TNFRSF11B: variants seen among roughly 807,000 people sequenced by gnomAD.
TNFRSF11B encodes tumor necrosis factor receptor superfamily member 11B.
Under a neutral mutation model 43.4 loss-of-function variants are expected in TNFRSF11B, and 16 were observed. The ratio of observed to expected loss-of-function variants is 0.37; its 90% CI spans 0.25 to 0.56. The LOEUF (loss-of-function observed/expected upper bound fraction) is 0.56, where lower values mean the gene tolerates loss of function less well. TNFRSF11B is among the 20% of genes least tolerant of loss of function. The probability of loss-of-function intolerance (pLI) is 0.80; values close to 1 mark genes in which losing one functional copy is unlikely to be tolerated. For missense variants in TNFRSF11B, 444 were observed against 490.1 expected, an observed-to-expected ratio of 0.91 and a Z score of 0.89; for synonymous variants, 185 against 181.8, an observed-to-expected ratio of 1.02 and a Z score of -0.14.
At chr8:118,937,489 C>T (rs1812420663) in intron 1 of TNFRSF11B, among the ~76,000 whole-genome samples, 1 of 152,198 alleles carries the variant, frequency 6.6e-6, no homozygotes. Flanking sequence ...ATGTTTGATC[C>T]TACCAGTGGA....
At chr8:118,951,568 T>C (rs912257217) in intron 1 of TNFRSF11B, among the ~76,000 whole-genome samples, 4 of 152,168 alleles carry the variant, frequency 2.6e-5, no homozygotes, top group African/African-American at 9.7e-5. Flanking sequence ...GTCTCTCTCT[T>C]GCTGTCTTCC....
chr8:118,947,230 C>G (rs1253557678), intron 1 of TNFRSF11B, among the ~76,000 whole-genome samples: 1 of 30,138 alleles, frequency 3.3e-5, no homozygotes, highest in Non-Finnish European at 5.6e-5. Context: ...AAGCTAAATT[C>G]TGTTGGAACA....
At chr8:118,940,109 T>G (rs1812463749) in intron 1 of TNFRSF11B, among the ~76,000 whole-genome samples, 1 of 152,078 alleles carries the variant, frequency 6.6e-6, no homozygotes, top group African/African-American at 2.4e-5. Flanking sequence ...ATGTTCTCAC[T>G]CATAGGTGGG....
At chr8:118,951,721 G>A (rs1167153294) in intron 1 of TNFRSF11B, 71 bp downstream of exon 1, 3 of 1,442,210 alleles carry the variant, frequency 2.1e-6, no homozygotes, top group Non-Finnish European at 9.5e-7. Flanking sequence ...CGGTCCGCTG[G>A]GAGGTTGGGA....
chr8:118,939,692 T>C (rs144789178), intron 1 of TNFRSF11B, among the ~76,000 whole-genome samples: 4 of 152,340 alleles, frequency 2.6e-5, no homozygotes, highest in African/African-American at 9.6e-5. Context: ...CTGCCTTCTA[T>C]ATGAGACTCA....
intron 2 of TNFRSF11B, among the ~76,000 whole-genome samples, chr8:118,931,803 T>A (rs1036143766): frequency 1.3e-5 from 2 of 152,224 alleles, no homozygotes; most frequent in African/African-American, 4.8e-5. Context: ...TTAGACTTTG[T>A]ATATCACAAG....
intron 4 of TNFRSF11B, among the ~76,000 whole-genome samples, chr8:118,925,631 T>C (rs1812236582): frequency 6.6e-6 from 1 of 152,226 alleles, no homozygotes; most frequent in South Asian, 2.1e-4. Context: ...TGAAGTTTTT[T>C]AGGGTAGTGC....
Position 118,928,902 on chromosome 8 carries a change from T to C in TNFRSF11B, c.428A>G (p.Lys143Arg). The C allele has an allele frequency of 6.2e-7, 1 of 1,614,190 alleles. No individual in the cohort carries two copies. Among genetic ancestry groups the C allele is most frequent in the South Asian group, 1.1e-5 (1 of 91,082 alleles). Residue 143 changes from lysine (K) to arginine (R), a missense_variant, in exon 3 of 5, where the codon AAA (lysine) becomes AGA (arginine). Physicochemically the swap from Lys to Arg is conservative, Grantham distance 26. Coordinates refer to ENST00000297350, the MANE Select transcript of TNFRSF11B (RefSeq NM_002546.4). ...TGAGAAGAACCCATCTGGACATCTT[T>C]TGCAAACTGTATTTCGCTCTGGGGT... ...AGTPERNTVC[K>R]RCPDGFFSNE...
At chr8:118,938,111 A>C (rs945804642) in intron 1 of TNFRSF11B, among the ~76,000 whole-genome samples, 4 of 152,124 alleles carry the variant, frequency 2.6e-5, no homozygotes, top group African/African-American at 7.2e-5. Flanking sequence ...AGAAGAAAAA[A>C]AGGAGTATTT....
At chr8:118,937,306 C>G (rs544527260) in intron 1 of TNFRSF11B, among the ~76,000 whole-genome samples, 3 of 152,282 alleles carry the variant, frequency 2.0e-5, no homozygotes, top group South Asian at 2.1e-4. Flanking sequence ...AAGTCTTGCT[C>G]TAATCCCCTT....
At chr8:118,928,985 T>G (rs1017712324) in intron 2 of TNFRSF11B, 56 bp from the exon 3 acceptor site, 4 of 1,534,610 alleles carry the variant, frequency 2.6e-6, no homozygotes, top group Admixed American at 3.4e-5. Context: ...TCCCAGCAGA[T>G]GCCCTCTTAA....
intron 2 of TNFRSF11B, among the ~76,000 whole-genome samples, chr8:118,931,486 A>G (rs149537284): frequency 1.3e-5 from 2 of 152,294 alleles, no homozygotes; most frequent in East Asian, 3.9e-4. Flanking sequence ...TTTTCTACAT[A>G]TACAACTTAC....
chr8:118,941,928 G>A lies in TNFRSF11B; in HGVS notation c.31-8628C>T, dbSNP rs994469340. Among the ~76,000 whole-genome samples the A allele has an allele frequency of 8.5e-5, 13 of 152,086 alleles. 1 individual carries two copies. Among genetic ancestry groups the A allele is most frequent in the Admixed American group, 3.3e-4 (5 of 15,264 alleles). Reference sequence around the variant, plus strand: ...AGCCAATTCAACAGCAGGGATGGCCGAATTTTTCATTGTAATTATCTCATT... The same window carrying A: ...AGCCAATTCAACAGCAGGGATGGCCAAATTTTTCATTGTAATTATCTCATT... On this transcript the variant is annotated intron_variant, in intron 1 of 4. Transcript: ENST00000297350.
At chr8:118,946,096 G>T (rs1012039820) in intron 1 of TNFRSF11B, among the ~76,000 whole-genome samples, 2 of 152,010 alleles carry the variant, frequency 1.3e-5, no homozygotes, top group African/African-American at 4.8e-5. Context: ...TTTTGGAAGG[G>T]CTTTAGGAAT....
rs766995937 is a variant in TNFRSF11B, at chr8:118,928,736, A to G, written c.592+2T>C. 2 of 1,613,962 alleles carry G rather than the reference A, an allele frequency of 1.2e-6. No homozygotes were observed. Among genetic ancestry groups the G allele is most frequent in the Non-Finnish European group, 1.7e-6 (2 of 1,179,834 alleles). On this transcript the variant is annotated splice_donor_variant, in intron 3 of 4. Transcript: ENST00000297350. LOFTEE classifies it high-confidence loss of function. ...CAAAGACGTATTTTGGAATGTAATT[A>G]CCTATTCCACATTTTTGAGTTGATT...
chr8:118,928,729 T>G lies in TNFRSF11B; in HGVS notation c.592+9A>C. 1 of 1,613,988 alleles carries G rather than the reference T, an allele frequency of 6.2e-7. No homozygotes were observed. The highest frequency in any genetic ancestry group is 2.2e-5 in the East Asian group (1 of 44,870). On this transcript the variant is annotated intron_variant, in intron 3 of 4. Transcript: ENST00000297350. ...AATCGTACAAAGACGTATTTTGGAA[T>G]GTAATTACCTATTCCACATTTTTGA...
At position 118,923,881 on chromosome 8, in the gene TNFRSF11B, T is replaced by C. The variant is rs1812213710; in HGVS notation, c.*493A>G. The stretch of plus-strand genomic sequence containing the variant: ...CAGAATATAATTTTCTTTCTAAAAT[T>C]AAGTCATACCGTTTCTTTATAGGAT... On this transcript the variant is annotated 3_prime_UTR_variant, in exon 5 of 5. Transcript: ENST00000297350. 6.5e-6 allele frequency: 1 copy of C among 152,800 alleles called. No individual in the cohort carries two copies. The highest frequency in any genetic ancestry group is 2.4e-5 in the African/African-American group (1 of 41,466). The allele number at this position is 152,800 out of a possible 1,614,324, so 9.5% of individuals were successfully genotyped here. A position where few individuals can be genotyped will look rare whatever the true frequency, so the allele number is the denominator to read the frequency against.
intron 1 of TNFRSF11B, among the ~76,000 whole-genome samples, chr8:118,947,624 G>A (rs538350991): frequency 6.6e-6 from 1 of 152,096 alleles, no homozygotes; most frequent in African/African-American, 2.4e-5. Context: ...TATTATCTGA[G>A]TCTAGATCAG....
intron 1 of TNFRSF11B, among the ~76,000 whole-genome samples, chr8:118,946,015 A>G (rs1032763020): frequency 1.3e-5 from 2 of 152,192 alleles, no homozygotes; most frequent in African/African-American, 2.4e-5. Flanking sequence ...CTATAAATCT[A>G]GAGAGGTGAA....
Sources: allele counts gnomAD v4.1 joint callset (sites outside exome capture counted in the v4.1 genomes callset), GRCh38; gene constraint gnomAD v4.1.1; transcripts MANE v1.5; gene names NCBI Gene and HGNC (gene_info 2026-07-23, HGNC 2026-07-21).